Variants in HOMER1 observed in about 807,000 individuals in gnomAD.
HOMER1 encodes the protein homer protein homolog 1.
A neutral mutation model predicts 48.9 loss-of-function variants in HOMER1; 3 were observed. That is an observed-to-expected ratio of 0.06 (90% CI 0.03 to 0.16). HOMER1 has a LOEUF of 0.16. HOMER1 is among the 10% of genes least tolerant of loss of function. The pLI is 1.00. For missense variants in HOMER1, 247 were observed against 411.4 expected, an observed-to-expected ratio of 0.60 and a Z score of 3.46; for synonymous variants, 134 against 146.4, an observed-to-expected ratio of 0.92 and a Z score of 0.61.
chr5:79,470,734 G>T (rs894365594), intron 1 of HOMER1, among the ~76,000 whole-genome samples: 1 of 152,106 alleles, frequency 6.6e-6, no homozygotes, highest in African/African-American at 2.4e-5. Context: ...ACTTTCCAAA[G>T]CAGCTGGTGG....
intron 1 of HOMER1, among the ~76,000 whole-genome samples, chr5:79,489,705 C>A (rs1192663340): frequency 6.6e-6 from 1 of 152,122 alleles, no homozygotes; most frequent in Non-Finnish European, 1.5e-5. Context: ...CATGAAAAAT[C>A]TACTTTAAAA....
intron 2 of HOMER1, among the ~76,000 whole-genome samples, chr5:79,453,864 A>G (rs939245588): frequency 6.6e-6 from 1 of 152,300 alleles, no homozygotes; most frequent in South Asian, 2.1e-4. Context: ...TGGAGAAAAC[A>G]CTTGTTTAGC....
At chr5:79,503,534 G>GAAAAAA (rs751672080) in intron 1 of HOMER1, among the ~76,000 whole-genome samples, 2 of 17,342 alleles carry the variant, frequency 1.2e-4, no homozygotes, top group Non-Finnish European at 9.5e-5. Flanking sequence ...GTCACAAAGA[G>GAAAAAA]AAAAAAAAAA....
intron 4 of HOMER1, 38 bp from the exon 5 acceptor site, chr5:79,439,187 C>T: frequency 6.2e-7 from 1 of 1,608,386 alleles, no homozygotes; most frequent in Non-Finnish European, 8.5e-7. Context: ...AATAGTTACA[C>T]TTTTGTTAAA....
chr5:79,491,365 G>A (rs530910815), intron 1 of HOMER1, among the ~76,000 whole-genome samples: 11 of 147,758 alleles, frequency 7.4e-5, no homozygotes, highest in East Asian at 4.1e-4. Flanking sequence ...CTAAAGCCCC[G>A]GAGGTTGAGG....
chr5:79,443,511 T>G (rs1218978816), intron 4 of HOMER1, among the ~76,000 whole-genome samples: 3 of 152,186 alleles, frequency 2.0e-5, no homozygotes, highest in Admixed American at 6.5e-5. Flanking sequence ...AAATACATAT[T>G]GTATAAATAT....
intron 1 of HOMER1, among the ~76,000 whole-genome samples, chr5:79,499,776 T>C (rs1752524651): frequency 6.6e-6 from 1 of 152,218 alleles, no homozygotes; most frequent in African/African-American, 2.4e-5. Context: ...TAGTACATAC[T>C]GTTCTACTGT....
chr5:79,399,270 C>T (rs558723774), intron 6 of HOMER1, among the ~76,000 whole-genome samples: 359 of 152,286 alleles, frequency 2.4e-3, no homozygotes, highest in African/African-American at 8.3e-3. Flanking sequence ...AGGTACTCTG[C>T]AGTCTGGCTG....
At chr5:79,378,172 T>A (rs1444766536) in intron 8 of HOMER1, among the ~76,000 whole-genome samples, 1 of 145,012 alleles carries the variant, frequency 6.9e-6, no homozygotes, top group Non-Finnish European at 1.5e-5. Flanking sequence ...TGAGCCGAAA[T>A]TACGTTACTG....
rs181835452 is a variant in HOMER1 at position 79,492,246 on chromosome 5, A to G, written c.5+20524T>C. Among the ~76,000 whole-genome samples, 79 of 151,756 alleles carry G rather than the reference A, an allele frequency of 5.2e-4. No individual in the cohort carries two copies. The Middle Eastern group carries it at 0.01, about 20-fold the overall frequency. ...TCCATCATCATGAAAGTGCCCATAT[A>G]AAAAAAAATCCACATTGAGGCTGTA... On this transcript the variant is annotated intron_variant, in intron 1 of 8. Coordinates refer to ENST00000334082, the MANE Select transcript of HOMER1 (RefSeq NM_004272.5).
chr5:79,410,190 C>T (rs1387148032), intron 5 of HOMER1, among the ~76,000 whole-genome samples: 1 of 152,136 alleles, frequency 6.6e-6, no homozygotes, highest in African/African-American at 2.4e-5. Flanking sequence ...CTTTCTAGAG[C>T]AGTATGAAAT....
At chr5:79,446,732 C>T (rs1470902842) in intron 4 of HOMER1, among the ~76,000 whole-genome samples, 3 of 151,642 alleles carry the variant, frequency 2.0e-5, no homozygotes, top group Non-Finnish European at 4.4e-5. Flanking sequence ...CTCGACCTCC[C>T]AGTCAAGTGA....
intron 5 of HOMER1, among the ~76,000 whole-genome samples, chr5:79,437,114 A>G (rs1426541231): frequency 1.3e-5 from 2 of 152,184 alleles, no homozygotes; most frequent in Non-Finnish European, 2.9e-5. Context: ...AATTCCAGGT[A>G]GTAACTCCAA....
At chr5:79,441,680 G>T (rs773923216) in intron 4 of HOMER1, among the ~76,000 whole-genome samples, 9 of 151,736 alleles carry the variant, frequency 5.9e-5, no homozygotes, top group Admixed American at 1.3e-4. Context: ...GAGAACTTGG[G>T]TTTTTTTAAA....
At chr5:79,473,359 A>C (rs1751674048) in intron 1 of HOMER1, among the ~76,000 whole-genome samples, 3 of 152,118 alleles carry the variant, frequency 2.0e-5, no homozygotes, top group African/African-American at 4.8e-5. Context: ...ATTTATCGTT[A>C]GTGTATTTTA....
chr5:79,410,614 GCTC>G (rs1335776495), intron 5 of HOMER1, among the ~76,000 whole-genome samples: 3 of 150,048 alleles, frequency 2.0e-5, no homozygotes, highest in African/African-American at 7.4e-5. Flanking sequence ...TATAATAAAT[GCTC>G]CTATTAGAAT....
intron 5 of HOMER1, among the ~76,000 whole-genome samples, chr5:79,415,265 G>A (rs939212861): frequency 4.7e-5 from 7 of 149,990 alleles, no homozygotes; most frequent in Admixed American, 4.0e-4. Context: ...TCTCTATGTT[G>A]CCTAGGGTGG....
intron 8 of HOMER1, among the ~76,000 whole-genome samples, chr5:79,385,984 T>C (rs1370233748): frequency 6.6e-6 from 1 of 151,682 alleles, no homozygotes; most frequent in Non-Finnish European, 1.5e-5. Context: ...CTGGTGAGGA[T>C]ATAGCGAAAA....
intron 2 of HOMER1, among the ~76,000 whole-genome samples, chr5:79,454,104 G>C (rs1359278266): frequency 1.3e-5 from 2 of 152,174 alleles, no homozygotes; most frequent in Admixed American, 1.3e-4. Context: ...ATGGAAAAAT[G>C]CAAGAGCAAC....
Sources: gnomAD v4.1 joint callset for allele counts (sites outside exome capture counted in the v4.1 genomes callset) on GRCh38, gnomAD v4.1.1 for gene constraint, MANE v1.5 for transcripts, NCBI Gene and HGNC (gene_info 2026-07-23, HGNC 2026-07-21) for gene names.